The following BRD4 variants were observed in gnomAD, a reference collection of about 807,000 sequenced individuals.
BRD4 encodes the protein bromodomain-containing protein 4.
A neutral mutation model predicts 142.1 loss-of-function variants in BRD4; 16 were observed. That is an observed-to-expected ratio of 0.11 (90% CI 0.08 to 0.17). The LOEUF is 0.17. Ranked by LOEUF, BRD4 falls within the 10% of genes least tolerant of loss-of-function variation. The probability of loss-of-function intolerance (pLI) is 1.00; values close to 1 mark genes in which losing one functional copy is unlikely to be tolerated. For missense variants in BRD4, 1,424 were observed against 1,810.9 expected (o/e 0.79, Z 3.88); for synonymous variants, 833 against 707.5 (o/e 1.18, Z -2.82).
At chr19:15,290,972 T>C (rs936122495) in intron 1 of BRD4, among the ~76,000 whole-genome samples, 13 of 152,126 alleles carry the variant, frequency 8.5e-5, no homozygotes, top group Non-Finnish European at 1.9e-4. Flanking sequence ...CATATGGTAT[T>C]TTTTTTACTG....
chr19:15,251,259 A>G (rs1216650786), intron 11 of BRD4, among the ~76,000 whole-genome samples: 1 of 152,076 alleles, frequency 6.6e-6, no homozygotes, highest in Non-Finnish European at 1.5e-5. Context: ...GTCTATGGAT[A>G]GCTACCAAGA....
At position 15,264,529 on chromosome 19, in the gene BRD4, CCTT is replaced by C; in HGVS notation, c.1084_1086del (p.Lys362del). ...GCGGCGTGCTTCTTGGCAAACATCT[CCTT>C]GAGGATGCCGCTGCAGCACTTGAGC... On this transcript the variant is annotated inframe_deletion, in exon 6 of 20. Transcript: ENST00000679869. 1 of 1,614,218 alleles carries C rather than the reference CCTT, an allele frequency of 6.2e-7. No individual in the cohort carries two copies.
chr19:15,243,345 G>A lies in BRD4; in HGVS notation c.2724C>T (p.Pro908=). 1 of 1,426,806 alleles carries A rather than the reference G, an allele frequency of 7.0e-7. No homozygotes were observed. Among genetic ancestry groups the A allele is most frequent in the Non-Finnish European group, 9.2e-7 (1 of 1,082,324 alleles). The allele number at this position is 1,426,806 out of a possible 1,614,324, so 88.4% of individuals were successfully genotyped here. ...PLLPQPPMAQ[P]PQVLLEDEEP... ...CTTCATCCTCCAGCAGCACTTGGGG[G>A]GGTTGGGCCATGGGGGGCTGTGGGA... The change falls in exon 14 of 20, where the codon CCC becomes CCT. Residue 908 remains proline, a synonymous_variant. Coordinates refer to ENST00000679869, the MANE Select transcript of BRD4 (RefSeq NM_001379291.1).
chr19:15,309,345 A>G (rs1599513955), intron 1 of BRD4, among the ~76,000 whole-genome samples: 1 of 151,830 alleles, frequency 6.6e-6, no homozygotes, highest in East Asian at 1.9e-4. Flanking sequence ...CTCCAAAAAA[A>G]AAAAAAAAAA....
chr19:15,329,892 CA>C, intron 1 of BRD4, among the ~76,000 whole-genome samples: 1 of 152,290 alleles, frequency 6.6e-6, no homozygotes, highest in Admixed American at 6.5e-5. Flanking sequence ...ACAACTGGCT[CA>C]AAAAGGCAAC....
intron 1 of BRD4, among the ~76,000 whole-genome samples, chr19:15,322,104 C>T (rs1347368668): frequency 6.7e-6 from 1 of 150,308 alleles, no homozygotes; most frequent in Non-Finnish European, 1.5e-5. Flanking sequence ...TCTGACATGA[C>T]CCCCCCATAA....
intron 1 of BRD4, among the ~76,000 whole-genome samples, chr19:15,305,326 G>A (rs944683141): frequency 6.6e-6 from 1 of 152,160 alleles, no homozygotes; most frequent in African/African-American, 2.4e-5. Flanking sequence ...ACAGGCATGA[G>A]CCACAGCACC....
chr19:15,308,412 C>G (rs934255694), intron 1 of BRD4, among the ~76,000 whole-genome samples: 12 of 150,932 alleles, frequency 8.0e-5, no homozygotes, highest in Admixed American at 2.6e-4. Context: ...TGTGGTGAAA[C>G]CCTGTCTCTA....
At chr19:15,302,872 G>C (rs2047882490) in intron 1 of BRD4, among the ~76,000 whole-genome samples, 1 of 151,172 alleles carries the variant, frequency 6.6e-6, no homozygotes, top group African/African-American at 2.4e-5. Context: ...GCCAGGCGTG[G>C]TGGCGGTCAC....
chr19:15,245,280 C>T (rs1224071775), intron 11 of BRD4, among the ~76,000 whole-genome samples: 1 of 152,138 alleles, frequency 6.6e-6, no homozygotes, highest in Non-Finnish European at 1.5e-5. Flanking sequence ...AAGGCCCACT[C>T]CTTTCCATCC....
intron 11 of BRD4, chr19:15,248,625 A>G (rs947699479): frequency 8.8e-6 from 2 of 227,290 alleles, no homozygotes; most frequent in Non-Finnish European, 1.7e-5. Flanking sequence ...AATGGAGACG[A>G]AGGAGGAAAG....
chr19:15,293,183 A>G (rs1203726136), intron 1 of BRD4, among the ~76,000 whole-genome samples: 1 of 152,208 alleles, frequency 6.6e-6, no homozygotes, highest in Non-Finnish European at 1.5e-5. Flanking sequence ...CTCAGGTGCC[A>G]ATATAAAAAC....
chr19:15,277,370 A>G (rs548591444), intron 1 of BRD4, among the ~76,000 whole-genome samples: 25 of 152,334 alleles, frequency 1.6e-4, no homozygotes, highest in African/African-American at 5.8e-4. Context: ...ATGTCATGGT[A>G]AACTCAGATG....
chr19:15,290,701 T>C (rs975956403), intron 1 of BRD4, among the ~76,000 whole-genome samples: 1 of 152,114 alleles, frequency 6.6e-6, no homozygotes, highest in East Asian at 1.9e-4. Flanking sequence ...GCTCACAACA[T>C]ATACACCCGC....
chr19:15,246,134 T>C (rs970979657), intron 11 of BRD4, among the ~76,000 whole-genome samples: 1 of 152,176 alleles, frequency 6.6e-6, no homozygotes, highest in Non-Finnish European at 1.5e-5. Context: ...GGGCCCCGCC[T>C]AAAACCTGCA....
chr19:15,254,029 A>AC (rs765455024), intron 11 of BRD4, 123 bp downstream of exon 11: 2 of 819,780 alleles, frequency 2.4e-6, no homozygotes, highest in Non-Finnish European at 4.0e-6. Context: ...AGACAGACAG[A>AC]GGAACCCAGC....
chr19:15,280,525 T>A (rs1337723461), intron 1 of BRD4: 1 of 839,498 alleles, frequency 1.2e-6, no homozygotes, highest in East Asian at 8.5e-5. Flanking sequence ...ATGAGATATA[T>A]CCCGTGTCAT....
In BRD4 at chr19:15,236,511, G is replaced by C; in HGVS notation, c.*1866C>G. ...AAGTCCTTTGGTGAGTGGGGGGACA[G>C]GATGGAGTAGGGGGGACAGGATGGA... On this transcript the variant is annotated 3_prime_UTR_variant, in exon 20 of 20. Transcript: ENST00000679869. The C allele has an allele frequency of 6.6e-6, 1 of 151,156 alleles. No homozygotes were observed. Among genetic ancestry groups the C allele is most frequent in the Non-Finnish European group, 1.5e-5 (1 of 67,908 alleles). The allele number at this position is 151,156 out of a possible 1,614,324, so 9.4% of individuals were successfully genotyped here. A position where few individuals can be genotyped will look rare whatever the true frequency, so the allele number is the denominator to read the frequency against.
Position 15,239,318 on chromosome 19 carries a change from T to C in BRD4, c.3577-54A>G, listed in dbSNP as rs573999854. ...AGGGGTCTGCTGTGCCTAAAGGGCA[T>C]AGCTGGGGGTGTGCCCAGCATGGCA... is the stretch of plus-strand genomic sequence containing the variant. On this transcript the variant is annotated intron_variant, in intron 17 of 19. Coordinates refer to ENST00000679869, the MANE Select transcript of BRD4 (RefSeq NM_001379291.1). The surrounding 1 kb of genome is among the most constrained non-coding windows in gnomAD (Gnocchi z 7.4). The C allele has an allele frequency of 9.3e-6, 15 of 1,613,846 alleles. No homozygotes were observed. The South Asian group carries it at 1.4e-4, about 15-fold the overall frequency.
Sources: allele counts gnomAD v4.1 joint callset (sites outside exome capture counted in the v4.1 genomes callset), GRCh38; gene constraint gnomAD v4.1.1; non-coding constraint Gnocchi (gnomAD v3.1); transcripts MANE v1.5; gene names NCBI Gene and HGNC (gene_info 2026-07-23, HGNC 2026-07-21).